Variants in CYP4F22 observed in about 807,000 individuals in gnomAD.
The protein encoded by CYP4F22 is ultra-long-chain fatty acid omega-hydroxylase.
A neutral mutation model predicts 60.4 loss-of-function variants in CYP4F22; 37 were observed. That is an observed-to-expected ratio of 0.61 (90% CI 0.47 to 0.81). The LOEUF (loss-of-function observed/expected upper bound fraction) is 0.81, where lower values mean the gene tolerates loss of function less well. CYP4F22 is among the 30% of genes least tolerant of loss of function. CYP4F22 has a pLI of 0.00. For missense variants in CYP4F22, 655 were observed against 715.0 expected (o/e 0.92, Z 0.96); for synonymous variants, 258 against 280.5 (o/e 0.92, Z 0.80).
At chr19:15,540,132 C>G (rs138404426) in intron 7 of CYP4F22, among the ~76,000 whole-genome samples, 36 of 152,094 alleles carry the variant, frequency 2.4e-4, no homozygotes, top group African/African-American at 8.2e-4. Flanking sequence ...CTCTTTGGGC[C>G]TGTTCAAAAA....
chr19:15,521,851 G>T (rs1971229569), intron 1 of CYP4F22, among the ~76,000 whole-genome samples: 1 of 151,868 alleles, frequency 6.6e-6, no homozygotes, highest in Admixed American at 6.6e-5. Flanking sequence ...AATCTTAAAA[G>T]GAACCACCAG....
In CYP4F22 at chr19:15,544,223, A is replaced by G; in HGVS notation, c.1080A>G (p.Lys360=). 6.2e-7 allele frequency: 1 copy of G among 1,614,158 alleles called. No homozygotes were observed. Among genetic ancestry groups the G allele is most frequent in the Admixed American group, 1.7e-5 (1 of 59,998 alleles). Residue 360 remains lysine, a synonymous_variant, in exon 10 of 14, where the codon AAA becomes AAG. Coordinates refer to ENST00000269703, the MANE Select transcript of CYP4F22 (RefSeq NM_173483.4). ...NLAKYPEYQE[K]CREEIQEVMK... ...CAAAGTATCCGGAATACCAGGAGAA[A>G]TGCCGAGAAGAGATTCAGGAAGTCA... is the stretch of plus-strand genomic sequence containing the variant.
intron 8 of CYP4F22, 60 bp downstream of exon 8, chr19:15,540,777 A>G (rs921895955): frequency 7.0e-6 from 8 of 1,137,518 alleles, no homozygotes; most frequent in Non-Finnish European, 9.4e-6. Context: ...GAGGAATTGC[A>G]TGTAAAATGA....
chr19:15,544,708 C>A (rs1325396355), intron 10 of CYP4F22, among the ~76,000 whole-genome samples: 1 of 152,138 alleles, frequency 6.6e-6, no homozygotes, highest in Non-Finnish European at 1.5e-5. Context: ...CCAGAGGCTA[C>A]CCTGGGTCGT....
rs182279663 is a variant in CYP4F22 at position 15,550,361 on chromosome 19, C to A, written c.1336-313C>A. Among the ~76,000 whole-genome samples, 3 of 152,200 alleles carry A rather than the reference C, an allele frequency of 2.0e-5. No individual in the cohort carries two copies. In the East Asian group the frequency reaches 5.8e-4, roughly 29 times the overall value. Reference sequence around the variant, plus strand: ...AACAGGTGGAGGGGGCACTTTAGCTCGAGTGGTTATGAAAGGCCTTGCCGA... The same window carrying A: ...AACAGGTGGAGGGGGCACTTTAGCTAGAGTGGTTATGAAAGGCCTTGCCGA... On this transcript the variant is annotated intron_variant, in intron 12 of 13. Transcript: ENST00000269703.
intron 8 of CYP4F22, among the ~76,000 whole-genome samples, chr19:15,541,299 G>A (rs1971459348): frequency 6.6e-6 from 1 of 152,162 alleles, no homozygotes; most frequent in Non-Finnish European, 1.5e-5. Context: ...TTTCTTCTAA[G>A]GCCCATGAAG....
chr19:15,538,985 T>G (rs1190773345), intron 7 of CYP4F22, among the ~76,000 whole-genome samples: 2 of 152,174 alleles, frequency 1.3e-5, no homozygotes, highest in East Asian at 1.9e-4. Flanking sequence ...TGAGGACAGC[T>G]CCCTTCAAGC....
chr19:15,515,462 C>T (rs895144175), intron 1 of CYP4F22: 20 of 834,802 alleles, frequency 2.4e-5, no homozygotes, highest in Middle Eastern at 3.4e-4. Flanking sequence ...CGGTGGCTCA[C>T]GCTTGCAATC....
chr19:15,523,856 A>G (rs575512376), intron 2 of CYP4F22, 57 bp downstream of exon 2: 1 of 152,214 alleles, frequency 6.6e-6, no homozygotes, highest in Non-Finnish European at 1.5e-5. Flanking sequence ...CATAATAGCC[A>G]AAATGTAGAA....
At position 15,537,350 on chromosome 19, in the gene CYP4F22, G is replaced by A. The variant is rs1274958996; in HGVS notation, c.368-11G>A. 6.2e-7 allele frequency: 1 copy of A among 1,614,006 alleles called. No individual in the cohort carries two copies. Among genetic ancestry groups the A allele is most frequent in the Non-Finnish European group, 8.5e-7 (1 of 1,179,992 alleles). On this transcript the variant is annotated splice_polypyrimidine_tract_variant and intron_variant, in intron 4 of 13. Coordinates refer to ENST00000269703, the MANE Select transcript of CYP4F22 (RefSeq NM_173483.4). The stretch of plus-strand genomic sequence containing the variant: ...TGTTTTGAGTCACCATTTTCCCTTT[G>A]CCCTCCACAGCTGCCATCGCCCCCA...
At chr19:15,509,904 C>CCTTCCTTCCTTCCTTT (rs1323141197) in intron 1 of CYP4F22, among the ~76,000 whole-genome samples, 16 of 86,784 alleles carry the variant, frequency 1.8e-4, no homozygotes, top group East Asian at 1.4e-3. Flanking sequence ...TTCCTTCCTT[C>CCTTCCTTCCTTCCTTT]CTTTCTTTCT....
intron 1 of CYP4F22, among the ~76,000 whole-genome samples, chr19:15,510,370 G>T (rs1200599364): frequency 6.6e-6 from 1 of 152,190 alleles, no homozygotes; most frequent in Non-Finnish European, 1.5e-5. Flanking sequence ...AGCACCAACG[G>T]TAATGAGAGA....
At chr19:15,545,518 G>A (rs558869588) in intron 10 of CYP4F22, among the ~76,000 whole-genome samples, 1 of 151,274 alleles carries the variant, frequency 6.6e-6, no homozygotes, top group Non-Finnish European at 1.5e-5. Context: ...GTGGGGTGGC[G>A]CATGCCTATA....
chr19:15,543,270 G>A (rs1250667671), intron 8 of CYP4F22, among the ~76,000 whole-genome samples: 1 of 152,094 alleles, frequency 6.6e-6, no homozygotes, highest in East Asian at 1.9e-4. Context: ...TGCGGTCATG[G>A]TTCACTGCAG....
intron 7 of CYP4F22, among the ~76,000 whole-genome samples, chr19:15,538,385 C>T (rs1368707172): frequency 6.6e-6 from 1 of 152,170 alleles, no homozygotes; most frequent in African/African-American, 2.4e-5. Flanking sequence ...CTCTTACTTT[C>T]TGAGAGATGC....
chr19:15,551,582 A>C lies in CYP4F22; in HGVS notation c.*111A>C. The C allele has an allele frequency of 7.5e-7, 1 of 1,331,470 alleles. No homozygotes were observed. The allele number at this position is 1,331,470 out of a possible 1,614,324, so 82.5% of individuals were successfully genotyped here. On this transcript the variant is annotated 3_prime_UTR_variant, in exon 14 of 14. Transcript: ENST00000269703. ...GCCACCCCCCTCGAAGTTCAGGTTC[A>C]GCTCCTGGATGACCAGGCACCGCTG...
At chr19:15,512,885 G>A (rs1971107791) in intron 1 of CYP4F22, among the ~76,000 whole-genome samples, 1 of 151,956 alleles carries the variant, frequency 6.6e-6, no homozygotes, top group African/African-American at 2.4e-5. Flanking sequence ...AAACCAAAAC[G>A]ACTGGAAAAG....
chr19:15,531,723 C>T (rs1327452796), intron 4 of CYP4F22, among the ~76,000 whole-genome samples: 1 of 152,174 alleles, frequency 6.6e-6, no homozygotes, highest in Non-Finnish European at 1.5e-5. Context: ...CACATGCTTG[C>T]TGTGAGACCC....
rs1015077485 is a variant in CYP4F22 at position 15,551,712 on chromosome 19, G to A, written c.*241G>A. 1 of 596,546 alleles carries A rather than the reference G, an allele frequency of 1.7e-6. No individual in the cohort carries two copies. The highest frequency in any genetic ancestry group is 3.0e-6 in the Non-Finnish European group (1 of 337,042). 37.0% of individuals were successfully genotyped at this position (596,546 alleles called of 1,614,324 possible). On this transcript the variant is annotated 3_prime_UTR_variant, in exon 14 of 14. Transcript: ENST00000269703. ...CTTAGGTCCCGCCCCCTGACTTCTC[G>A]CACCTGTCCTGTTTGAGGGACCAGG...
Sources: allele counts gnomAD v4.1 joint callset (sites outside exome capture counted in the v4.1 genomes callset), GRCh38; gene constraint gnomAD v4.1.1; transcripts MANE v1.5; gene names NCBI Gene and HGNC (gene_info 2026-07-23, HGNC 2026-07-21).